Variants in TAMALIN observed in about 807,000 individuals in gnomAD.
TAMALIN encodes the protein protein TAMALIN.
TAMALIN carries 9 observed loss-of-function variants against 38.5 expected under a neutral mutation model. The observed-to-expected ratio is 0.23, with a 90% confidence interval of 0.14 to 0.41. TAMALIN has a LOEUF of 0.41. Ranked by LOEUF, TAMALIN falls within the 10% of genes least tolerant of loss-of-function variation. The pLI is 1.00. For synonymous variants in TAMALIN, 306 were observed against 256.5 expected (o/e 1.19, Z -1.85); for missense variants, 548 against 554.1 (o/e 0.99, Z 0.11).
At chr12:52,008,669 C>T in intron 1 of TAMALIN, 6 of 985,370 alleles carry the variant, frequency 6.1e-6, no homozygotes, top group Non-Finnish European at 7.2e-6. Flanking sequence ...GGGACAGGGT[C>T]CCTGACCCCA....
In TAMALIN at chr12:52,007,279, C is replaced by A; in HGVS notation, c.246+14C>A. On this transcript the variant is annotated intron_variant, in intron 1 of 7. Transcript: ENST00000293662. The surrounding 1 kb of genome is among the most constrained non-coding windows in gnomAD (Gnocchi z 6.7). Reference sequence around the variant, plus strand: ...CCCCGCCGAAAGGTGCGTCCCCCGCCCGCCTTCAGGATCTGCTCAGCCCCT... The same window carrying A: ...CCCCGCCGAAAGGTGCGTCCCCCGCACGCCTTCAGGATCTGCTCAGCCCCT... 7.1e-7 allele frequency: 1 copy of A among 1,400,084 alleles called. No homozygotes were observed. Among genetic ancestry groups the A allele is most frequent in the Non-Finnish European group, 9.3e-7 (1 of 1,080,440 alleles). 86.7% of individuals were successfully genotyped at this position (1,400,084 alleles called of 1,614,324 possible). A position where few individuals can be genotyped will look rare whatever the true frequency, so the allele number is the denominator to read the frequency against.
chr12:52,014,618 C>A, intron 7 of TAMALIN, 76 bp from the exon 8 acceptor site: 1 of 1,167,214 alleles, frequency 8.6e-7, no homozygotes, highest in Non-Finnish European at 1.2e-6. Flanking sequence ...ACGCCCCGCC[C>A]ATGCCCTCCG....
rs201437080 is a variant in TAMALIN, at chr12:52,011,618, T to A, written c.454+477T>A. On this transcript the variant is annotated intron_variant, in intron 4 of 7. Coordinates refer to ENST00000293662, the MANE Select transcript of TAMALIN (RefSeq NM_181711.4). The surrounding 1 kb of genome is among the most constrained non-coding windows in gnomAD (Gnocchi z 5.3). ...AAAAATTAGAAACTTTTTTTTTTTT[T>A]AAGAGACAGGGCCTCAGTCTGTCAC... Among the ~76,000 whole-genome samples the A allele has an allele frequency of 7.3e-6, 1 of 136,916 alleles. No individual in the cohort carries two copies. The highest frequency in any genetic ancestry group is 1.6e-5 in the Non-Finnish European group (1 of 62,690). 89.8% of individuals were successfully genotyped at this position (136,916 alleles called of 152,430 possible).
intron 4 of TAMALIN, 101 bp from the exon 5 acceptor site, chr12:52,013,586 T>C: frequency 1.1e-6 from 1 of 913,034 alleles, no homozygotes; most frequent in African/African-American, 1.6e-5. Context: ...GAGTATTCCC[T>C]GGAGTTACTA....
At chr12:52,009,659 C>T (rs1942468598) in intron 2 of TAMALIN, among the ~76,000 whole-genome samples, 2 of 152,230 alleles carry the variant, frequency 1.3e-5, no homozygotes, top group African/African-American at 4.8e-5. Flanking sequence ...GGCTGGCTGC[C>T]CCTGCCTCCA....
chr12:52,010,427 A>G lies in TAMALIN; in HGVS notation c.297-454A>G, dbSNP rs546882977. On this transcript the variant is annotated intron_variant, in intron 2 of 7. Coordinates refer to ENST00000293662, the MANE Select transcript of TAMALIN (RefSeq NM_181711.4). ...CCCCCACATCTGGTGGGCTGGCCCC[A>G]GCATAGCTGGGAGGAGCAGCTGTGG... is the stretch of plus-strand genomic sequence containing the variant. The G allele has an allele frequency of 1.3e-4, 112 of 890,598 alleles. No individual in the cohort carries two copies. In the African/African-American group the frequency reaches 1.9e-3, roughly 15 times the overall value. 55.2% of individuals were successfully genotyped at this position (890,598 alleles called of 1,614,324 possible).
At position 52,011,804 on chromosome 12, in the gene TAMALIN, G is replaced by C. The variant is rs1166519240; in HGVS notation, c.454+663G>C. Among the ~76,000 whole-genome samples the C allele has an allele frequency of 2.0e-5, 3 of 152,058 alleles. No homozygotes were observed. Among genetic ancestry groups the C allele is most frequent in the Non-Finnish European group, 4.4e-5 (3 of 68,020 alleles). ...GATCCCTGGATTGAGCAGATCTAGA[G>C]TCCCCAGGTTCCAGGAAGGGCAGCC... On this transcript the variant is annotated intron_variant, in intron 4 of 7. Coordinates refer to ENST00000293662, the MANE Select transcript of TAMALIN (RefSeq NM_181711.4). The surrounding 1 kb of genome is among the most constrained non-coding windows in gnomAD (Gnocchi z 5.3).
chr12:52,014,017 A>G, intron 6 of TAMALIN, 74 bp downstream of exon 6: 1 of 1,559,872 alleles, frequency 6.4e-7, no homozygotes, highest in South Asian at 1.1e-5. Context: ...GGTCACTTAC[A>G]GCTGAATCTC....
At chr12:52,008,126 T>C (rs1215406837) in intron 1 of TAMALIN, 1 of 985,312 alleles carries the variant, frequency 1.0e-6, no homozygotes, top group Non-Finnish European at 1.2e-6. Flanking sequence ...CAAAGGGGTC[T>C]CTCTGTGCTG....
intron 4 of TAMALIN, chr12:52,013,376 C>T (rs563272990): frequency 2.2e-4 from 70 of 311,398 alleles, no homozygotes; most frequent in South Asian, 1.2e-3. Context: ...CGCGCCCGGC[C>T]GGACAGAACT....
chr12:52,007,078 AC>A lies in TAMALIN; in HGVS notation c.63del (p.Ala22ProfsTer81). The A allele has an allele frequency of 6.8e-7, 1 of 1,466,214 alleles. No individual in the cohort carries two copies. 90.8% of individuals were successfully genotyped at this position (1,466,214 alleles called of 1,614,324 possible). ...AAGGAGGAGGCGGCGGCCACCCCGG[AC>A]CCCGCCGCCCGGACTCCCGACTCGG... is the stretch of plus-strand genomic sequence containing the variant. ...QQKEEAAATPDPAARTPDSEV... is the reference protein window; with the variant it reads ...QQKEEAAATPXPAARTPDSEV... On this transcript the variant is annotated frameshift_variant, in exon 1 of 8. Coordinates refer to ENST00000293662, the MANE Select transcript of TAMALIN (RefSeq NM_181711.4). LOFTEE classifies it high-confidence loss of function. This position sits in a 1 kb window ranked among gnomAD's most constrained non-coding sequence, Gnocchi z 6.7.
intron 1 of TAMALIN, chr12:52,008,717 T>C: frequency 1.0e-6 from 1 of 985,330 alleles, no homozygotes; most frequent in Non-Finnish European, 1.2e-6. Context: ...AGAAATTAGA[T>C]GGAGAGACCC....
chr12:52,007,712 AG>A lies in TAMALIN; in HGVS notation c.246+449del, dbSNP rs536469390. On this transcript the variant is annotated intron_variant, in intron 1 of 7. Transcript: ENST00000293662. This position sits in a 1 kb window ranked among gnomAD's most constrained non-coding sequence, Gnocchi z 6.7. The stretch of plus-strand genomic sequence containing the variant: ...CTGCGCCGCGTGCGTTCTCACTCTG[AG>A]GAAGTGCGTGGGGAGCCGCTGACTC... 503 of 985,326 alleles carry A rather than the reference AG, an allele frequency of 5.1e-4. No individual in the cohort carries two copies. Among genetic ancestry groups the A allele is most frequent in the East Asian group, 2.2e-3 (19 of 8,800 alleles). The allele number at this position is 985,326 out of a possible 1,614,324, so 61.0% of individuals were successfully genotyped here.
rs759679198 is a variant in TAMALIN, at chr12:52,010,963, G to A, written c.351+28G>A. ...GGGAGAAGCTGCACACAGGGGTCAG[G>A]GGGGTTGGATGACCAGCCTGAGGGA... On this transcript the variant is annotated intron_variant, in intron 3 of 7. Coordinates refer to ENST00000293662, the MANE Select transcript of TAMALIN (RefSeq NM_181711.4). 6 of 1,614,112 alleles carry A rather than the reference G, an allele frequency of 3.7e-6. No homozygotes were observed. In the East Asian group the frequency reaches 8.9e-5, roughly 24 times the overall value.
Position 52,007,201 on chromosome 12 carries a change from ACTATCACCCTGC to A in TAMALIN, c.184_195del (p.Tyr62_Ala65del). The A allele has an allele frequency of 6.6e-7, 1 of 1,521,516 alleles. No individual in the cohort carries two copies. Among genetic ancestry groups the A allele is most frequent in the Admixed American group, 2.2e-5 (1 of 46,326 alleles). 94.3% of individuals were successfully genotyped at this position (1,521,516 alleles called of 1,614,324 possible). A position where few individuals can be genotyped will look rare whatever the true frequency, so the allele number is the denominator to read the frequency against. On this transcript the variant is annotated inframe_deletion, in exon 1 of 8. Transcript: ENST00000293662. This position sits in a 1 kb window ranked among gnomAD's most constrained non-coding sequence, Gnocchi z 6.7. Reference sequence around the variant, plus strand: ...GACGAGCTGTACGCGGCGCTGGAGGACTATCACCCTGCCGAGCTGTACCGCGCGCTCGCCGTG... The same window carrying A: ...GACGAGCTGTACGCGGCGCTGGAGGACGAGCTGTACCGCGCGCTCGCCGTG...
In TAMALIN at chr12:52,011,825, C is replaced by T. The variant is rs559227395; in HGVS notation, c.454+684C>T. Among the ~76,000 whole-genome samples the T allele has an allele frequency of 2.0e-3, 305 of 152,108 alleles. 1 individual carries two copies. The highest frequency in any genetic ancestry group is 6.9e-3 in the African/African-American group (287 of 41,496). ...TAGAGTCCCCAGGTTCCAGGAAGGG[C>T]AGCCTGAAACTGTATGAATCAATCC... is the stretch of plus-strand genomic sequence containing the variant. On this transcript the variant is annotated intron_variant, in intron 4 of 7. Coordinates refer to ENST00000293662, the MANE Select transcript of TAMALIN (RefSeq NM_181711.4). The surrounding 1 kb of genome is among the most constrained non-coding windows in gnomAD (Gnocchi z 5.3).
At position 52,015,476 on chromosome 12, in the gene TAMALIN, A is replaced by G; in HGVS notation, c.*277A>G. 1 of 406,846 alleles carries G rather than the reference A, an allele frequency of 2.5e-6. No homozygotes were observed. Among genetic ancestry groups the G allele is most frequent in the Non-Finnish European group, 4.5e-6 (1 of 221,474 alleles). 25.2% of individuals were successfully genotyped at this position (406,846 alleles called of 1,614,324 possible). ...ATGGGGGTGCTCGCCTACAGTCTGC[A>G]TCTGTAGTGCCTTGTGGGGTATCCA... On this transcript the variant is annotated 3_prime_UTR_variant, in exon 8 of 8. Coordinates refer to ENST00000293662, the MANE Select transcript of TAMALIN (RefSeq NM_181711.4).
At position 52,011,239 on chromosome 12, in the gene TAMALIN, T is replaced by C. The variant is rs1201577237; in HGVS notation, c.454+98T>C. On this transcript the variant is annotated intron_variant, in intron 4 of 7. Coordinates refer to ENST00000293662, the MANE Select transcript of TAMALIN (RefSeq NM_181711.4). This position sits in a 1 kb window ranked among gnomAD's most constrained non-coding sequence, Gnocchi z 5.3. ...AATCTCTCCTGAAATCAATTCCTCT[T>C]CCTTTTCCTTCTTTGAGAAGGCCAG... 1.3e-6 allele frequency: 2 copies of C among 1,576,072 alleles called. No individual in the cohort carries two copies. Among genetic ancestry groups the C allele is most frequent in the East Asian group, 4.6e-5 (2 of 43,614 alleles).
chr12:52,014,218 G>A lies in TAMALIN; in HGVS notation c.682+17G>A. On this transcript the variant is annotated intron_variant, in intron 7 of 7. Transcript: ENST00000293662. ...TGGTGCATGGTGAGTAGATCCCGGGGTGTGAGGGGCCACTTGTTCTGCTAC... is the reference window on the plus strand; with the variant it reads ...TGGTGCATGGTGAGTAGATCCCGGGATGTGAGGGGCCACTTGTTCTGCTAC... The A allele has an allele frequency of 6.3e-7, 1 of 1,583,556 alleles. No homozygotes were observed. Among genetic ancestry groups the A allele is most frequent in the South Asian group, 1.1e-5 (1 of 86,970 alleles).
Sources: allele counts gnomAD v4.1 joint callset (sites outside exome capture counted in the v4.1 genomes callset), GRCh38; gene constraint gnomAD v4.1.1; non-coding constraint Gnocchi (gnomAD v3.1); transcripts MANE v1.5; gene names NCBI Gene and HGNC (gene_info 2026-07-23, HGNC 2026-07-21).